The following GPR39 variants were observed in gnomAD, a reference collection of about 807,000 sequenced individuals.
The protein encoded by GPR39 is zinc sensing receptor.
Under a neutral mutation model 18.4 loss-of-function variants are expected in GPR39, and 23 were observed. That is an observed-to-expected ratio of 1.25 (90% confidence interval 0.90 to 1.77). The LOEUF is 1.77. Among genes scored for constraint, GPR39 ranks in the 40% most tolerant of loss-of-function variants. GPR39 has a pLI of 0.00. For missense variants in GPR39, 647 were observed against 602.4 expected (o/e 1.07, Z -0.78); for synonymous variants, 280 against 257.9 (o/e 1.09, Z -0.82).
chr2:132,585,917 C>A (rs1186669712), intron 1 of GPR39, among the ~76,000 whole-genome samples: 1 of 144,158 alleles, frequency 6.9e-6, no homozygotes, highest in Non-Finnish European at 1.5e-5. Context: ...GAAATCAACA[C>A]CCAGTGATCG....
rs1171994484 is a variant in GPR39 at position 132,417,575 on chromosome 2, AC to A, written c.538del (p.Leu180TrpfsTer2). The A allele has an allele frequency of 6.2e-7, 1 of 1,613,690 alleles. No homozygotes were observed. Among genetic ancestry groups the A allele is most frequent in the South Asian group, 1.1e-5 (1 of 91,040 alleles). On this transcript the variant is annotated frameshift_variant, in exon 1 of 2. Coordinates refer to ENST00000329321, the MANE Select transcript of GPR39 (RefSeq NM_001508.3). LOFTEE classifies it high-confidence loss of function. ...LPLLFAMGTE[Y>X]PLVNVPSHRG... The stretch of plus-strand genomic sequence containing the variant: ...TTGCTGTTTGCCATGGGTACTGAGT[AC>A]CCCCTGGTGAACGTGCCCAGCCACC...
At chr2:132,498,057 G>T (rs1180851497) in intron 1 of GPR39, among the ~76,000 whole-genome samples, 1 of 152,076 alleles carries the variant, frequency 6.6e-6, no homozygotes, top group Non-Finnish European at 1.5e-5. Flanking sequence ...TCATATTTTT[G>T]ATATTTAACT....
At position 132,583,717 on chromosome 2, in the gene GPR39, G is replaced by T. The variant is rs544013474; in HGVS notation, c.857-61384G>T. Among the ~76,000 whole-genome samples, 6 of 151,596 alleles carry T rather than the reference G, an allele frequency of 4.0e-5. No individual in the cohort carries two copies. The East Asian group carries it at 7.8e-4, about 20-fold the overall frequency. ...GACGTCTGAGGCCTCAGGAAGATTTGGTGGCTGGAGGCGACTTGGCCTCTG... is the reference window on the plus strand; with the variant it reads ...GACGTCTGAGGCCTCAGGAAGATTTTGTGGCTGGAGGCGACTTGGCCTCTG... On this transcript the variant is annotated intron_variant, in intron 1 of 1. Coordinates refer to ENST00000329321, the MANE Select transcript of GPR39 (RefSeq NM_001508.3).
chr2:132,462,435 TA>T (rs1680851014), intron 1 of GPR39, among the ~76,000 whole-genome samples: 1 of 152,218 alleles, frequency 6.6e-6, no homozygotes, highest in Admixed American at 6.5e-5. Flanking sequence ...GTTGTTGGGC[TA>T]GGGGACCTTA....
intron 1 of GPR39, among the ~76,000 whole-genome samples, chr2:132,565,573 C>A (rs1680336345): frequency 7.6e-6 from 1 of 131,774 alleles, no homozygotes. Context: ...ACCACAGTCC[C>A]CAGAGTGTGA....
At chr2:132,567,797 C>T (rs748732207) in intron 1 of GPR39, among the ~76,000 whole-genome samples, 1 of 152,080 alleles carries the variant, frequency 6.6e-6, no homozygotes, top group Non-Finnish European at 1.5e-5. Context: ...ATACTTGGGC[C>T]TCACCATCGT....
At chr2:132,555,099 G>A (rs954762749) in intron 1 of GPR39, among the ~76,000 whole-genome samples, 21 of 151,948 alleles carry the variant, frequency 1.4e-4, no homozygotes, top group Admixed American at 6.6e-5. Flanking sequence ...CTACAGGTGC[G>A]TGCCACCATG....
intron 1 of GPR39, among the ~76,000 whole-genome samples, chr2:132,461,267 C>T (rs1680825887): frequency 1.3e-5 from 2 of 152,172 alleles, no homozygotes; most frequent in Non-Finnish European, 2.9e-5. Flanking sequence ...GCTCTTACCT[C>T]ACAACTCTCT....
At chr2:132,552,851 C>CAT (rs60060171) in intron 1 of GPR39, among the ~76,000 whole-genome samples, 67 of 138,800 alleles carry the variant, frequency 4.8e-4, no homozygotes, top group South Asian at 6.8e-4. Context: ...TATATACACA[C>CAT]ATATATATAT....
chr2:132,445,824 C>T (rs745564804), intron 1 of GPR39, among the ~76,000 whole-genome samples: 10 of 152,248 alleles, frequency 6.6e-5, no homozygotes, highest in African/African-American at 2.4e-4. Context: ...GGTATTTGCA[C>T]CAAGTACCAG....
chr2:132,561,577 TACACACACACACACACAC>T (rs55653432), intron 1 of GPR39, among the ~76,000 whole-genome samples: 17 of 147,988 alleles, frequency 1.1e-4, no homozygotes, highest in East Asian at 1.0e-3. Flanking sequence ...AATATGAGTG[TACACACACACACACACAC>T]ACACACACAC....
intron 1 of GPR39, among the ~76,000 whole-genome samples, chr2:132,613,863 T>C (rs1681280893): frequency 6.6e-6 from 1 of 152,314 alleles, no homozygotes; most frequent in Non-Finnish European, 1.5e-5. Context: ...TTCATGATTG[T>C]ATCCCCAGTG....
intron 1 of GPR39, among the ~76,000 whole-genome samples, chr2:132,455,983 T>A (rs1680720599): frequency 1.3e-5 from 2 of 152,188 alleles, no homozygotes; most frequent in South Asian, 2.1e-4. Flanking sequence ...ATTCTGTAGA[T>A]GTCTATGAGG....
chr2:132,451,707 T>G (rs12373595), intron 1 of GPR39, among the ~76,000 whole-genome samples: 10 of 152,100 alleles, frequency 6.6e-5, no homozygotes, highest in African/African-American at 2.4e-4. Flanking sequence ...TTAAATAAAT[T>G]TATTTACCAG....
intron 1 of GPR39, among the ~76,000 whole-genome samples, chr2:132,510,033 A>G (rs1048209014): frequency 3.3e-5 from 5 of 152,204 alleles, no homozygotes; most frequent in African/African-American, 1.2e-4. Flanking sequence ...TTTCAAATCC[A>G]TATATCTCTA....
chr2:132,448,832 T>C (rs1272342911), intron 1 of GPR39, among the ~76,000 whole-genome samples: 1 of 152,162 alleles, frequency 6.6e-6, no homozygotes, highest in Non-Finnish European at 1.5e-5. Flanking sequence ...TGCGGCAAAA[T>C]CTCACCCAAG....
At chr2:132,555,328 C>A (rs1169531519) in intron 1 of GPR39, among the ~76,000 whole-genome samples, 2 of 152,156 alleles carry the variant, frequency 1.3e-5, no homozygotes, top group Non-Finnish European at 2.9e-5. Flanking sequence ...CTAACAGTTT[C>A]TTTTGGTCAG....
intron 1 of GPR39, among the ~76,000 whole-genome samples, chr2:132,420,191 G>T (rs903334491): frequency 2.6e-5 from 4 of 152,164 alleles, no homozygotes; most frequent in Admixed American, 1.3e-4. Flanking sequence ...TGGCAATCAG[G>T]TGCTCAATGT....
Position 132,416,948 on chromosome 2 carries a change from G to T in GPR39, c.-95G>T. On this transcript the variant is annotated 5_prime_UTR_variant, in exon 1 of 2. Coordinates refer to ENST00000329321, the MANE Select transcript of GPR39 (RefSeq NM_001508.3). ...GAGTGAGATAAAATCGTGCGCCCAC[G>T]CAGGTGAGTTTGCAGCCAAGAATTT... The T allele has an allele frequency of 6.9e-7, 1 of 1,443,120 alleles. No individual in the cohort carries two copies. Among genetic ancestry groups the T allele is most frequent in the East Asian group, 2.3e-5 (1 of 43,886 alleles). The allele number at this position is 1,443,120 out of a possible 1,614,324, so 89.4% of individuals were successfully genotyped here.
Sources: allele counts gnomAD v4.1 joint callset (sites outside exome capture counted in the v4.1 genomes callset), GRCh38; gene constraint gnomAD v4.1.1; transcripts MANE v1.5; gene names NCBI Gene and HGNC (gene_info 2026-07-23, HGNC 2026-07-21).